The following SGSM1 variants were observed in gnomAD, a reference collection of about 807,000 sequenced individuals.
SGSM1 encodes small G protein signaling modulator 1.
Under a neutral mutation model 133.8 loss-of-function variants are expected in SGSM1, and 73 were observed. The ratio of observed to expected loss-of-function variants is 0.55; its 90% CI spans 0.45 to 0.66. SGSM1 has a LOEUF of 0.66. Among genes scored for constraint, SGSM1 ranks in the 30% least tolerant of loss-of-function variants. SGSM1 has a pLI of 0.00. For synonymous variants in SGSM1, 563 were observed against 573.0 expected, an observed-to-expected ratio of 0.98 and a Z score of 0.25; for missense variants, 1,213 against 1,448.1, an observed-to-expected ratio of 0.84 and a Z score of 2.64.
chr22:24,849,926 C>T (rs1306791415), intron 4 of SGSM1, among the ~76,000 whole-genome samples: 2 of 152,162 alleles, frequency 1.3e-5, no homozygotes, highest in African/African-American at 4.8e-5. Context: ...TTGGAGCTCT[C>T]TGCTGGTCTT....
intron 12 of SGSM1, among the ~76,000 whole-genome samples, chr22:24,870,225 G>A (rs1032408211): frequency 1.3e-5 from 2 of 152,222 alleles, no homozygotes; most frequent in African/African-American, 4.8e-5. Context: ...CCACTATCCT[G>A]GCTGGACACC....
At chr22:24,905,441 C>CA (rs71191007) in intron 21 of SGSM1, among the ~76,000 whole-genome samples, 4,592 of 152,060 alleles carry the variant, frequency 0.03, 110 homozygotes, top group Non-Finnish European at 0.047. Flanking sequence ...ACAAACAAAA[C>CA]AAAAAACAAA....
chr22:24,836,806 A>G (rs1438119420), intron 2 of SGSM1, among the ~76,000 whole-genome samples: 1 of 152,176 alleles, frequency 6.6e-6, no homozygotes, highest in Non-Finnish European at 1.5e-5. Flanking sequence ...AGTTCTCCAT[A>G]TATTCTGGAC....
chr22:24,904,577 CAA>C (rs36019944), intron 20 of SGSM1, among the ~76,000 whole-genome samples: 8 of 115,202 alleles, frequency 6.9e-5, no homozygotes, highest in East Asian at 2.4e-4. Flanking sequence ...GACTCCGTCT[CAA>C]AAAAAAAAAA....
chr22:24,918,320 A>T (rs1356610963), intron 23 of SGSM1, among the ~76,000 whole-genome samples: 1 of 151,648 alleles, frequency 6.6e-6, no homozygotes. Context: ...CATGGTGAAA[A>T]CCTGTCTCTA....
At chr22:24,854,785 C>T (rs193286062) in intron 5 of SGSM1, among the ~76,000 whole-genome samples, 1 of 152,272 alleles carries the variant, frequency 6.6e-6, no homozygotes, top group African/African-American at 2.4e-5. Context: ...CACTGCACTC[C>T]AGCCTGTGTG....
At chr22:24,918,410 C>T (rs984708933) in intron 23 of SGSM1, among the ~76,000 whole-genome samples, 4 of 151,240 alleles carry the variant, frequency 2.6e-5, no homozygotes, top group African/African-American at 4.9e-5. Context: ...GCAGGAGAAT[C>T]GCTTGATCCT....
At chr22:24,838,708 C>G (rs1929614162) in intron 2 of SGSM1, among the ~76,000 whole-genome samples, 1 of 151,940 alleles carries the variant, frequency 6.6e-6, no homozygotes, top group African/African-American at 2.4e-5. Flanking sequence ...TCTGGGCTCT[C>G]TATTCCATTT....
intron 14 of SGSM1, among the ~76,000 whole-genome samples, chr22:24,883,405 A>C (rs2123669972): frequency 6.6e-6 from 1 of 152,314 alleles, no homozygotes; most frequent in East Asian, 1.9e-4. Flanking sequence ...TTAGAGACAG[A>C]CAGAGGCACA....
intron 4 of SGSM1, 136 bp downstream of exon 4, chr22:24,847,932 T>TCCCACC: frequency 8.1e-7 from 1 of 1,231,274 alleles, no homozygotes; most frequent in Non-Finnish European, 1.1e-6. Flanking sequence ...CCAGACTCTT[T>TCCCACC]CCCACCCCAG....
intron 22 of SGSM1, among the ~76,000 whole-genome samples, chr22:24,916,663 A>G (rs930915779): frequency 6.6e-6 from 1 of 152,144 alleles, no homozygotes; most frequent in African/African-American, 2.4e-5. Context: ...GCACCACTGC[A>G]CTTCAGCCTG....
At chr22:24,916,042 G>T (rs1359297110) in intron 22 of SGSM1, among the ~76,000 whole-genome samples, 1 of 151,664 alleles carries the variant, frequency 6.6e-6, no homozygotes, top group Non-Finnish European at 1.5e-5. Context: ...TCCACCATCT[G>T]TTTTTTTTTA....
chr22:24,868,510 G>A lies in SGSM1; in HGVS notation c.1129G>A (p.Asp377Asn). Reference protein sequence around the residue: ...ENGLLPHGQLDPPLWSQRGKG... With the variant: ...ENGLLPHGQLNPPLWSQRGKG... ...TGGGCTGCTCCCACATGGGCAGTTG[G>A]ACCCGCCACTGTGGTCCCAGAGGGG... The change falls in exon 11 of 25, where the codon GAC becomes AAC. Residue 377 changes from aspartate (D) to asparagine (N), a missense_variant. Physicochemically the swap from Asp to Asn is conservative, Grantham distance 23. Coordinates refer to ENST00000400358, the MANE Select transcript of SGSM1 (RefSeq NM_001098497.3). 1 of 1,612,908 alleles carries A rather than the reference G, an allele frequency of 6.2e-7. No individual in the cohort carries two copies. Among genetic ancestry groups the A allele is most frequent in the Non-Finnish European group, 8.5e-7 (1 of 1,179,816 alleles).
Position 24,898,263 on chromosome 22 carries a change from C to T in SGSM1, c.2314C>T (p.Pro772Ser), listed in dbSNP as rs1289019741. The T allele has an allele frequency of 1.2e-6, 2 of 1,613,696 alleles. No individual in the cohort carries two copies. The highest frequency in any genetic ancestry group is 1.7e-6 in the Non-Finnish European group (2 of 1,179,788). The part of the protein sequence containing the change: ...SEATTSQDEA[P>S]REELAVQDSL... ...GGCCACCACATCTCAGGATGAGGCT[C>T]CCCGGGAGGAGCTGGCCGTGCAGGA... Residue 772 changes from proline to serine, a missense_variant, in exon 19 of 25, where the codon CCC (proline) becomes TCC (serine). Coordinates refer to ENST00000400358, the MANE Select transcript of SGSM1 (RefSeq NM_001098497.3).
chr22:24,878,237 G>T (rs1365861041), intron 13 of SGSM1, among the ~76,000 whole-genome samples: 1 of 152,214 alleles, frequency 6.6e-6, no homozygotes, highest in African/African-American at 2.4e-5. Context: ...ACATGTTGGA[G>T]AAATTCCAAG....
intron 2 of SGSM1, among the ~76,000 whole-genome samples, chr22:24,807,416 CTG>C (rs1022173590): frequency 6.6e-6 from 1 of 151,746 alleles, no homozygotes; most frequent in Non-Finnish European, 1.5e-5. Flanking sequence ...GAGGGTGGGT[CTG>C]TGTGTGTATA....
At chr22:24,921,969 G>GGGATTACA (rs1216263045) in intron 24 of SGSM1, among the ~76,000 whole-genome samples, 1 of 151,918 alleles carries the variant, frequency 6.6e-6, no homozygotes. Flanking sequence ...CCAAAGTACT[G>GGGATTACA]GGATTACAGG....
rs979890627 is a variant in SGSM1, at chr22:24,806,583, G to T, written c.63+99G>T. 3.4e-4 allele frequency: 475 copies of T among 1,397,342 alleles called. 3 individuals are homozygous for T. Among genetic ancestry groups the T allele is most frequent in the South Asian group, 1.0e-3 (70 of 70,184 alleles). The allele number at this position is 1,397,342 out of a possible 1,614,324, so 86.6% of individuals were successfully genotyped here. A position where few individuals can be genotyped will look rare whatever the true frequency, so the allele number is the denominator to read the frequency against. On this transcript the variant is annotated intron_variant, in intron 2 of 24. Transcript: ENST00000400358. ...GAAGGGTGGCCTCTGGCGGCGGGGGGGCGGCCAGAACAGGTGTGGGGCTCA... is the reference window on the plus strand; with the variant it reads ...GAAGGGTGGCCTCTGGCGGCGGGGGTGCGGCCAGAACAGGTGTGGGGCTCA...
At chr22:24,841,772 T>C (rs1929820534) in intron 2 of SGSM1, among the ~76,000 whole-genome samples, 1 of 152,216 alleles carries the variant, frequency 6.6e-6, no homozygotes, top group African/African-American at 2.4e-5. Flanking sequence ...TTGTTTGTTT[T>C]TTGTTTTTGA....
Sources: gnomAD v4.1 joint callset for allele counts (sites outside exome capture counted in the v4.1 genomes callset) on GRCh38, gnomAD v4.1.1 for gene constraint, MANE v1.5 for transcripts, NCBI Gene and HGNC (gene_info 2026-07-23, HGNC 2026-07-21) for gene names.